The following SLC25A21 variants were observed in gnomAD, a reference collection of about 807,000 sequenced individuals.
The protein encoded by SLC25A21 is solute carrier family 25 member 21.
A neutral mutation model predicts 43.8 loss-of-function variants in SLC25A21; 47 were observed. That is an observed-to-expected ratio of 1.07 (90% CI 0.85 to 1.37). The LOEUF (loss-of-function observed/expected upper bound fraction) is 1.37, where lower values mean the gene tolerates loss of function less well. Among genes scored for constraint, SLC25A21 ranks in the 40% most tolerant of loss-of-function variants. The pLI is 0.00. For synonymous variants in SLC25A21, 131 were observed against 121.3 expected (o/e 1.08, Z -0.52); for missense variants, 352 against 350.2 (o/e 1.00, Z -0.04).
intron 1 of SLC25A21, 98 bp downstream of exon 1, chr14:37,172,183 G>T: frequency 8.0e-7 from 1 of 1,249,048 alleles, no homozygotes; most frequent in Non-Finnish European, 1.1e-6. Context: ...GAGGAAGAGG[G>T]CAGAACTTCA....
chr14:36,724,692 G>A (rs142017221), intron 6 of SLC25A21, among the ~76,000 whole-genome samples: 86 of 152,296 alleles, frequency 5.6e-4, no homozygotes, highest in Non-Finnish European at 6.5e-4. Flanking sequence ...AAGGAATGCT[G>A]TCTGCACAAT....
intron 3 of SLC25A21, among the ~76,000 whole-genome samples, chr14:36,762,456 C>T (rs769934128): frequency 5.3e-5 from 8 of 152,164 alleles, no homozygotes; most frequent in Non-Finnish European, 8.8e-5. Context: ...GGAACGGCAG[C>T]CATGAGATCT....
At chr14:36,750,400 C>G (rs1885662412) in intron 3 of SLC25A21, among the ~76,000 whole-genome samples, 2 of 152,188 alleles carry the variant, frequency 1.3e-5, no homozygotes, top group Non-Finnish European at 2.9e-5. Flanking sequence ...GTCATCCCTT[C>G]TCCATGGAGG....
At chr14:36,734,827 C>T (rs372308692) in intron 3 of SLC25A21, among the ~76,000 whole-genome samples, 4 of 152,248 alleles carry the variant, frequency 2.6e-5, no homozygotes, top group African/African-American at 4.8e-5. Flanking sequence ...TGTACCTTAA[C>T]GATGAATCTG....
chr14:37,062,329 A>G (rs1961964787), intron 1 of SLC25A21, among the ~76,000 whole-genome samples: 1 of 152,210 alleles, frequency 6.6e-6, no homozygotes, highest in South Asian at 2.1e-4. Flanking sequence ...GTGTTCTCAC[A>G]GAAGAGTTGT....
At chr14:36,886,979 G>A (rs2138576752) in intron 1 of SLC25A21, among the ~76,000 whole-genome samples, 1 of 152,146 alleles carries the variant, frequency 6.6e-6, no homozygotes, top group African/African-American at 2.4e-5. Flanking sequence ...AATGCAACGA[G>A]AAACACCAGG....
intron 1 of SLC25A21, among the ~76,000 whole-genome samples, chr14:36,906,901 T>C (rs1003726481): frequency 6.6e-6 from 1 of 152,170 alleles, no homozygotes; most frequent in South Asian, 2.1e-4. Context: ...AGAAAAGCCA[T>C]TGCAGTTTGT....
chr14:37,160,899 C>A (rs1165795702), intron 1 of SLC25A21, among the ~76,000 whole-genome samples: 2 of 148,846 alleles, frequency 1.3e-5, no homozygotes, highest in African/African-American at 2.5e-5. Context: ...CACTGCACTC[C>A]AGCCTGGGCA....
At chr14:37,071,223 T>C (rs368609562) in intron 1 of SLC25A21, among the ~76,000 whole-genome samples, 2 of 152,334 alleles carry the variant, frequency 1.3e-5, no homozygotes, top group African/African-American at 4.8e-5. Flanking sequence ...ATACATGGTA[T>C]TGATGAAAAT....
chr14:36,870,075 A>C (rs375384318), intron 2 of SLC25A21, among the ~76,000 whole-genome samples: 64 of 152,338 alleles, frequency 4.2e-4, no homozygotes, highest in African/African-American at 1.5e-3. Context: ...CTTGAGCACT[A>C]CTTGGTTCAG....
intron 1 of SLC25A21, among the ~76,000 whole-genome samples, chr14:37,044,526 T>C (rs1040609947): frequency 5.9e-5 from 9 of 152,210 alleles, no homozygotes; most frequent in Non-Finnish European, 8.8e-5. Flanking sequence ...TAGGTAAGCA[T>C]ATTTTAGGAA....
chr14:37,044,896 T>C (rs1256212828), intron 1 of SLC25A21, among the ~76,000 whole-genome samples: 1 of 152,238 alleles, frequency 6.6e-6, no homozygotes, highest in Non-Finnish European at 1.5e-5. Context: ...AAAATTGCTC[T>C]AGATCAATGT....
intron 1 of SLC25A21, among the ~76,000 whole-genome samples, chr14:37,045,095 A>C (rs147555952): frequency 2.7e-4 from 41 of 152,332 alleles, no homozygotes; most frequent in Admixed American, 2.7e-3. Flanking sequence ...CCATGACTTT[A>C]AAACCACTTG....
intron 1 of SLC25A21, among the ~76,000 whole-genome samples, chr14:37,153,839 T>A (rs1177123917): frequency 6.6e-6 from 1 of 152,090 alleles, no homozygotes; most frequent in Non-Finnish European, 1.5e-5. Context: ...TGCTATCTCC[T>A]CAGCTGACCT....
intron 3 of SLC25A21, among the ~76,000 whole-genome samples, chr14:36,808,628 G>A (rs1888126416): frequency 6.6e-6 from 1 of 152,096 alleles, no homozygotes; most frequent in South Asian, 2.1e-4. Flanking sequence ...GTCTAACGGA[G>A]AAACCATGGT....
intron 1 of SLC25A21, among the ~76,000 whole-genome samples, chr14:37,045,712 G>T (rs926661402): frequency 2.6e-5 from 4 of 152,146 alleles, no homozygotes; most frequent in Admixed American, 2.6e-4. Context: ...CATCCTGATC[G>T]GGGTCTAGCA....
At chr14:36,682,170 CTTTT>C (rs60676379) in intron 9 of SLC25A21, among the ~76,000 whole-genome samples, 1 of 147,800 alleles carries the variant, frequency 6.8e-6, no homozygotes, top group African/African-American at 2.5e-5. Context: ...CTCTCTCATT[CTTTT>C]TTTTTTTCTC....
intron 3 of SLC25A21, among the ~76,000 whole-genome samples, chr14:36,764,311 A>G (rs1368280784): frequency 2.0e-5 from 3 of 151,780 alleles, no homozygotes; most frequent in East Asian, 3.9e-4. Context: ...CTTGCCTTTC[A>G]TTGAGATGGC....
At chr14:36,760,563 G>A (rs1330751009) in intron 3 of SLC25A21, among the ~76,000 whole-genome samples, 1 of 152,136 alleles carries the variant, frequency 6.6e-6, no homozygotes, top group Non-Finnish European at 1.5e-5. Flanking sequence ...CATGGGGAGG[G>A]TCCTGCCAGC....
Sources: allele counts gnomAD v4.1 joint callset (sites outside exome capture counted in the v4.1 genomes callset), GRCh38; gene constraint gnomAD v4.1.1; transcripts MANE v1.5; gene names NCBI Gene and HGNC (gene_info 2026-07-23, HGNC 2026-07-21).